The following KIF2A variants were observed in gnomAD, a reference collection of about 807,000 sequenced individuals.
The protein encoded by KIF2A is kinesin family member 2A.
A neutral mutation model predicts 100.2 loss-of-function variants in KIF2A; 22 were observed. The observed-to-expected ratio is 0.22, with a 90% CI of 0.16 to 0.31. KIF2A has a LOEUF of 0.31. Ranked by LOEUF, KIF2A falls within the 10% of genes least tolerant of loss-of-function variation. The pLI is 1.00. For synonymous variants in KIF2A, 268 were observed against 285.9 expected (o/e 0.94, Z 0.63); for missense variants, 495 against 898.7 (o/e 0.55, Z 5.74).
At chr5:62,380,510 A>G (rs1045372632) in intron 19 of KIF2A, among the ~76,000 whole-genome samples, 3 of 152,190 alleles carry the variant, frequency 2.0e-5, no homozygotes, top group Non-Finnish European at 4.4e-5. Flanking sequence ...TGAAAACTGC[A>G]GGGGGTTAAG....
At chr5:62,344,972 G>A (rs542362623) in intron 1 of KIF2A, among the ~76,000 whole-genome samples, 31 of 152,320 alleles carry the variant, frequency 2.0e-4, no homozygotes, top group Middle Eastern at 3.4e-3. Context: ...AAGGCCGGGC[G>A]TGGTGGCTCA....
At chr5:62,311,103 T>C (rs148349652) in intron 1 of KIF2A, among the ~76,000 whole-genome samples, 5 of 152,360 alleles carry the variant, frequency 3.3e-5, no homozygotes, top group African/African-American at 9.6e-5. Flanking sequence ...TTTTCATTTT[T>C]ATAAATGTGG....
chr5:62,361,556 G>A (rs1432844912), intron 11 of KIF2A, 27 bp downstream of exon 11: 1 of 1,280,630 alleles, frequency 7.8e-7, no homozygotes, highest in Non-Finnish European at 1.1e-6. Context: ...CATAAAATTT[G>A]GAATATTCTT....
intron 19 of KIF2A, among the ~76,000 whole-genome samples, 169 bp from the exon 20 acceptor site, chr5:62,380,949 G>C (rs1264185854): frequency 6.6e-6 from 1 of 152,180 alleles, no homozygotes; most frequent in Non-Finnish European, 1.5e-5. Flanking sequence ...TGTTGTTCCA[G>C]AGTCAACTGT....
chr5:62,363,108 G>A (rs142029099), intron 12 of KIF2A, 70 bp from the exon 13 acceptor site: 76 of 1,301,448 alleles, frequency 5.8e-5, no homozygotes, highest in Non-Finnish European at 7.5e-5. Context: ...GATTACAGGC[G>A]TGAGCCATTG....
rs2112032430 is a variant in KIF2A, at chr5:62,390,474, G to C, written c.*4905G>C. Among the ~76,000 whole-genome samples, 1 of 152,246 alleles carries C rather than the reference G, an allele frequency of 6.6e-6. No individual in the cohort carries two copies. ...TTTAACAACAGCTATTCCCAGTAAG[G>C]AAATTTTAAAAATCAGATCCAGTTA... On this transcript the variant is annotated 3_prime_UTR_variant, in exon 21 of 21. Coordinates refer to ENST00000407818, the MANE Select transcript of KIF2A (RefSeq NM_001098511.3).
Position 62,348,818 on chromosome 5 carries a change from C to G in KIF2A, c.279+651C>G, listed in dbSNP as rs373557092. ...TGTTGAATCTGCGGTTCTTTGTGTT[C>G]ATCTCAACAAGCATTTGTGGTTTTG... On this transcript the variant is annotated intron_variant, in intron 3 of 20. Coordinates refer to ENST00000407818, the MANE Select transcript of KIF2A (RefSeq NM_001098511.3). Among the ~76,000 whole-genome samples the G allele has an allele frequency of 2.7e-5, 4 of 147,940 alleles. No homozygotes were observed. The South Asian group carries it at 6.4e-4, about 24-fold the overall frequency.
chr5:62,342,628 A>G (rs944552060), intron 1 of KIF2A, among the ~76,000 whole-genome samples: 1 of 152,212 alleles, frequency 6.6e-6, no homozygotes, highest in African/African-American at 2.4e-5. Context: ...GGGTTGACCA[A>G]GACTTTGTTA....
intron 1 of KIF2A, among the ~76,000 whole-genome samples, chr5:62,331,398 C>T (rs1009095841): frequency 2.7e-5 from 4 of 147,788 alleles, no homozygotes; most frequent in Non-Finnish European, 5.9e-5. Flanking sequence ...GCAACAAGAG[C>T]AAGACTATGT....
At chr5:62,352,438 A>G in intron 4 of KIF2A, 150 bp from the exon 5 acceptor site, 1 of 497,772 alleles carries the variant, frequency 2.0e-6, no homozygotes, top group Non-Finnish European at 3.5e-6. Context: ...TATAAACTAT[A>G]TTATATTTTA....
At chr5:62,384,698 T>C (rs1206106478) in intron 20 of KIF2A, among the ~76,000 whole-genome samples, 1 of 152,232 alleles carries the variant, frequency 6.6e-6, no homozygotes, top group Non-Finnish European at 1.5e-5. Context: ...TTTACATGAC[T>C]CTAGAGCAGT....
chr5:62,342,409 TAAGA>T (rs1747342608), intron 1 of KIF2A, among the ~76,000 whole-genome samples: 1 of 152,198 alleles, frequency 6.6e-6, no homozygotes, highest in African/African-American at 2.4e-5. Context: ...GATGTCTCTC[TAAGA>T]AAGAATTTCA....
In KIF2A at chr5:62,387,788, A is replaced by AAAG. The variant is rs1742109036; in HGVS notation, c.*2220_*2222dup. 1 of 152,130 alleles carries AAAG rather than the reference A, an allele frequency of 6.6e-6. No homozygotes were observed. Among genetic ancestry groups the AAAG allele is most frequent in the East Asian group, 1.9e-4 (1 of 5,190 alleles). The allele number at this position is 152,130 out of a possible 1,614,324, so 9.4% of individuals were successfully genotyped here. A position where few individuals can be genotyped will look rare whatever the true frequency, so the allele number is the denominator to read the frequency against. ...TATATTATTTCATATTTGTTTAACA[A>AAAG]AAGCAGCTTGATGCCTTTGTTCTGG... On this transcript the variant is annotated 3_prime_UTR_variant, in exon 21 of 21. Transcript: ENST00000407818.
In KIF2A at chr5:62,386,529, T is replaced by C. The variant is rs891522764; in HGVS notation, c.*960T>C. The C allele has an allele frequency of 2.8e-4, 42 of 152,266 alleles. No homozygotes were observed. Among genetic ancestry groups the C allele is most frequent in the African/African-American group, 9.4e-4 (39 of 41,480 alleles). The allele number at this position is 152,266 out of a possible 1,614,324, so 9.4% of individuals were successfully genotyped here. ...AGCACCCCAAAATATACCTTTTCTA[T>C]GTACTGTTAAAAGAAATTGGCTTCT... On this transcript the variant is annotated 3_prime_UTR_variant, in exon 21 of 21. Coordinates refer to ENST00000407818, the MANE Select transcript of KIF2A (RefSeq NM_001098511.3).
At chr5:62,369,458 G>T (rs1227716070) in intron 16 of KIF2A, among the ~76,000 whole-genome samples, 1 of 152,186 alleles carries the variant, frequency 6.6e-6, no homozygotes, top group Non-Finnish European at 1.5e-5. Context: ...CAGCCTGGAG[G>T]AAGTTGCCCC....
chr5:62,377,052 T>C (rs1048546261), intron 18 of KIF2A, among the ~76,000 whole-genome samples: 1 of 152,226 alleles, frequency 6.6e-6, no homozygotes, highest in Non-Finnish European at 1.5e-5. Flanking sequence ...TGTTCAAACA[T>C]GTATTGTTCT....
rs753009033 is a variant in KIF2A, at chr5:62,361,257, A to G, written c.888A>G (p.Pro296=). 4 of 1,600,648 alleles carry G rather than the reference A, an allele frequency of 2.5e-6. No homozygotes were observed. Among genetic ancestry groups the G allele is most frequent in the East Asian group, 2.2e-5 (1 of 44,548 alleles). Residue 296 remains proline (P), a synonymous_variant, in exon 10 of 21, where the codon CCA becomes CCG. Coordinates refer to ENST00000407818, the MANE Select transcript of KIF2A (RefSeq NM_001098511.3). ...NEMVYRFTAR[P]LVETIFERGM... The stretch of plus-strand genomic sequence containing the variant: ...TATTTTTAAGGTTTACTGCTAGACC[A>G]CTAGTGGAAACTATATTTGAAAGGG...
intron 9 of KIF2A, among the ~76,000 whole-genome samples, chr5:62,358,933 A>C (rs1200353148): frequency 6.6e-6 from 1 of 152,250 alleles, no homozygotes; most frequent in Non-Finnish European, 1.5e-5. Flanking sequence ...GGCTTCCCAA[A>C]GTGCTGGGAT....
chr5:62,377,374 G>T (rs1741595635), intron 18 of KIF2A, among the ~76,000 whole-genome samples: 1 of 152,100 alleles, frequency 6.6e-6, no homozygotes, highest in Non-Finnish European at 1.5e-5. Context: ...GAAAAGTTGG[G>T]CTGTTCCAAA....
Sources: allele counts gnomAD v4.1 joint callset (sites outside exome capture counted in the v4.1 genomes callset), GRCh38; gene constraint gnomAD v4.1.1; transcripts MANE v1.5; gene names NCBI Gene and HGNC (gene_info 2026-07-23, HGNC 2026-07-21).